Variants in DCC observed in about 807,000 individuals in gnomAD.
DCC encodes the protein DCC netrin 1 receptor.
DCC carries 58 observed loss-of-function variants against 172.5 expected under a neutral mutation model. That is an observed-to-expected ratio of 0.34 (90% CI 0.27 to 0.42). The LOEUF (loss-of-function observed/expected upper bound fraction) is 0.42. Among genes scored for constraint, DCC ranks in the 10% least tolerant of loss-of-function variants. The pLI, the probability that DCC is intolerant of heterozygous loss-of-function variation, is 1.00. For synonymous variants in DCC, 709 were observed against 644.5 expected (o/e 1.10, Z -1.52); for missense variants, 1,740 against 1,791.0 (o/e 0.97, Z 0.51).
intron 7 of DCC, among the ~76,000 whole-genome samples, chr18:53,092,392 T>A (rs1041922172): frequency 3.3e-5 from 5 of 152,200 alleles, no homozygotes; most frequent in Admixed American, 6.5e-5. Flanking sequence ...GCAGAGATAA[T>A]AATGCATAAT....
intron 7 of DCC, among the ~76,000 whole-genome samples, chr18:53,075,468 A>G (rs958167199): frequency 1.3e-5 from 2 of 152,172 alleles, no homozygotes; most frequent in African/African-American, 4.8e-5. Flanking sequence ...AATCCATACA[A>G]TATGGAAAAC....
In DCC at chr18:53,320,063, A is replaced by C. The variant is rs75361290; in HGVS notation, c.2054-1984A>C. Among the ~76,000 whole-genome samples, 829 of 117,816 alleles carry C rather than the reference A, an allele frequency of 7.0e-3. 8 individuals carry two copies. The highest frequency in any genetic ancestry group is 0.026 in the African/African-American group (787 of 30,350). The allele number at this position is 117,816 out of a possible 152,430, so 77.3% of individuals were successfully genotyped here. A position where few individuals can be genotyped will look rare whatever the true frequency, so the allele number is the denominator to read the frequency against. On this transcript the variant is annotated intron_variant, in intron 13 of 28. Coordinates refer to ENST00000442544, the MANE Select transcript of DCC (RefSeq NM_005215.4). ...ATGAAGTTAAACTTCTACATAACGCAAGAGTACTTTTTTTTTTTTTTTTTT... is the reference window on the plus strand; with the variant it reads ...ATGAAGTTAAACTTCTACATAACGCCAGAGTACTTTTTTTTTTTTTTTTTT...
At chr18:53,403,637 A>G (rs565028224) in intron 19 of DCC, among the ~76,000 whole-genome samples, 13 of 152,218 alleles carry the variant, frequency 8.5e-5, no homozygotes, top group Admixed American at 2.6e-4. Context: ...ATAACTCAAA[A>G]TGTGAACATT....
chr18:52,649,013 A>G (rs1454061518), intron 1 of DCC, among the ~76,000 whole-genome samples: 1 of 152,178 alleles, frequency 6.6e-6, no homozygotes, highest in Non-Finnish European at 1.5e-5. Context: ...TATTTCTACA[A>G]CAAATATCCA....
intron 26 of DCC, among the ~76,000 whole-genome samples, chr18:53,496,407 A>G (rs184255160): frequency 2.6e-4 from 40 of 152,326 alleles, no homozygotes; most frequent in Non-Finnish European, 5.0e-4. Flanking sequence ...AAGGAATAGT[A>G]TCAACATCAA....
intron 2 of DCC, among the ~76,000 whole-genome samples, chr18:52,847,724 A>G (rs2145333142): frequency 6.6e-6 from 1 of 152,262 alleles, no homozygotes; most frequent in Non-Finnish European, 1.5e-5. Context: ...TCCTGGTTAG[A>G]CCATTGGATC....
At chr18:52,773,840 A>T (rs891491989) in intron 2 of DCC, among the ~76,000 whole-genome samples, 1 of 152,018 alleles carries the variant, frequency 6.6e-6, no homozygotes, top group African/African-American at 2.4e-5. Context: ...ATATATATAT[A>T]TATTTTTTAA....
At chr18:52,890,153 G>C (rs907224224) in intron 2 of DCC, among the ~76,000 whole-genome samples, 1 of 152,100 alleles carries the variant, frequency 6.6e-6, no homozygotes. Flanking sequence ...TTAGGAGTTT[G>C]AGTTAAATTC....
chr18:52,686,819 T>A (rs903269005), intron 1 of DCC, among the ~76,000 whole-genome samples: 1 of 152,124 alleles, frequency 6.6e-6, no homozygotes, highest in Non-Finnish European at 1.5e-5. Flanking sequence ...TCCTCCTCAC[T>A]GAGAGCTTGC....
chr18:52,771,024 A>G (rs76087955), intron 2 of DCC, among the ~76,000 whole-genome samples: 2 of 152,192 alleles, frequency 1.3e-5, no homozygotes, highest in Non-Finnish European at 2.9e-5. Flanking sequence ...AATTAGCAGC[A>G]TTCATTTTTT....
intron 1 of DCC, among the ~76,000 whole-genome samples, chr18:52,445,095 A>G (rs1014405596): frequency 1.3e-5 from 2 of 152,180 alleles, no homozygotes; most frequent in Admixed American, 6.5e-5. Context: ...AACATCCATA[A>G]TAAGGGCATT....
At chr18:53,327,492 C>T (rs12956113) in intron 14 of DCC, among the ~76,000 whole-genome samples, 15,619 of 152,034 alleles carry the variant, frequency 0.1, 859 homozygotes, top group Middle Eastern at 0.19. Context: ...AATTGCTATA[C>T]GCTATCAATA....
chr18:53,480,969 G>C (rs2045824551), intron 25 of DCC: 1 of 152,160 alleles, frequency 6.6e-6, no homozygotes, highest in Non-Finnish European at 1.5e-5. Context: ...TGAGGGTCTA[G>C]TTTCTCGCTA....
chr18:53,322,977 A>G (rs1225975508), intron 14 of DCC, among the ~76,000 whole-genome samples: 2 of 152,114 alleles, frequency 1.3e-5, no homozygotes, highest in East Asian at 1.9e-4. Flanking sequence ...ACTAGTGTCA[A>G]TTAAAGGTAG....
At chr18:53,271,964 A>G (rs2056754204) in intron 12 of DCC, among the ~76,000 whole-genome samples, 1 of 152,170 alleles carries the variant, frequency 6.6e-6, no homozygotes, top group South Asian at 2.1e-4. Context: ...CTTTTTAGGA[A>G]AAGGCCATTT....
intron 2 of DCC, among the ~76,000 whole-genome samples, chr18:52,866,446 T>G (rs1335060574): frequency 6.6e-6 from 1 of 152,216 alleles, no homozygotes; most frequent in Non-Finnish European, 1.5e-5. Flanking sequence ...GGTTGCTTGA[T>G]GGGGACAGCA....
chr18:53,286,198 G>A (rs1399049003), intron 12 of DCC, among the ~76,000 whole-genome samples: 1 of 152,086 alleles, frequency 6.6e-6, no homozygotes, highest in African/African-American at 2.4e-5. Flanking sequence ...GGGGCCGGGG[G>A]TGAAATGGTG....
At chr18:52,678,135 G>C (rs1475158846) in intron 1 of DCC, among the ~76,000 whole-genome samples, 4 of 152,062 alleles carry the variant, frequency 2.6e-5, no homozygotes, top group African/African-American at 4.8e-5. Flanking sequence ...TTGCCCTTTA[G>C]ACTGACATCA....
intron 15 of DCC, among the ~76,000 whole-genome samples, chr18:53,354,914 T>C (rs1220396070): frequency 1.3e-5 from 2 of 151,880 alleles, no homozygotes; most frequent in Non-Finnish European, 2.9e-5. Flanking sequence ...TTAGGTCTAA[T>C]ATTTAAGTCT....
Sources: gnomAD v4.1 joint callset for allele counts (sites outside exome capture counted in the v4.1 genomes callset) on GRCh38, gnomAD v4.1.1 for gene constraint, MANE v1.5 for transcripts, NCBI Gene and HGNC (gene_info 2026-07-23, HGNC 2026-07-21) for gene names.